CBLN2: variants seen among roughly 807,000 people sequenced by gnomAD.
CBLN2 encodes the protein cerebellin 2 precursor, also known as cerebellin-2.
A neutral mutation model predicts 15.0 loss-of-function variants in CBLN2; 7 were observed. The ratio of observed to expected loss-of-function variants is 0.47; its 90% CI spans 0.27 to 0.88. CBLN2 has a LOEUF of 0.88. Among genes scored for constraint, CBLN2 ranks in the 40% least tolerant of loss-of-function variants. The pLI is 0.14. For missense variants in CBLN2, 242 were observed against 304.5 expected, an observed-to-expected ratio of 0.79 and a Z score of 1.53; for synonymous variants, 149 against 135.2, an observed-to-expected ratio of 1.10 and a Z score of -0.71.
intron 1 of CBLN2, among the ~76,000 whole-genome samples, chr18:72,623,626 C>A (rs1187571926): frequency 6.6e-6 from 1 of 152,116 alleles, no homozygotes; most frequent in African/African-American, 2.4e-5. Context: ...ACGCTGCAGA[C>A]AACCACTGGC....
At chr18:72,618,984 C>T (rs565523333) in intron 1 of CBLN2, 25 of 761,732 alleles carry the variant, frequency 3.3e-5, no homozygotes, top group African/African-American at 1.4e-4. Context: ...ATGGTGGCAG[C>T]GGGGATGGTC....
intron 1 of CBLN2, among the ~76,000 whole-genome samples, chr18:72,621,505 T>C (rs1199761735): frequency 2.0e-5 from 3 of 152,226 alleles, no homozygotes; most frequent in Admixed American, 2.0e-4. Flanking sequence ...TCTAAAACCT[T>C]TTTGGATTGA....
At chr18:72,566,074 G>T (rs1368446976) in intron 1 of CBLN2, among the ~76,000 whole-genome samples, 1 of 152,032 alleles carries the variant, frequency 6.6e-6, no homozygotes, top group Admixed American at 6.6e-5. Context: ...AATGCTAAAA[G>T]TCACAAATCA....
chr18:72,613,504 TA>T (rs67899546), intron 1 of CBLN2, among the ~76,000 whole-genome samples: 80,507 of 151,952 alleles, frequency 0.53, 25,714 homozygotes, highest in Non-Finnish European at 0.72. Context: ...GTTGAAAGAT[TA>T]ACCTGCAATT....
chr18:72,636,946 G>C (rs1244356781), intron 1 of CBLN2, among the ~76,000 whole-genome samples: 1 of 147,448 alleles, frequency 6.8e-6, no homozygotes, highest in Non-Finnish European at 1.5e-5. Context: ...CAGTCATGCA[G>C]AAGCTCAATA....
At chr18:72,620,728 C>T (rs1276997687) in intron 1 of CBLN2, 1 of 152,172 alleles carries the variant, frequency 6.6e-6, no homozygotes, top group African/African-American at 2.4e-5. Context: ...CCTAGAATTT[C>T]TTGCCTCCTG....
intron 1 of CBLN2, among the ~76,000 whole-genome samples, chr18:72,579,934 A>C (rs2069392095): frequency 6.6e-6 from 1 of 152,058 alleles, no homozygotes; most frequent in South Asian, 2.1e-4. Flanking sequence ...GCATTAAGGA[A>C]ATGGAGAATT....
At position 72,541,948 on chromosome 18, in the gene CBLN2, G is replaced by C; in HGVS notation, c.213C>G (p.Ser71Arg). 6.2e-7 allele frequency: 1 copy of C among 1,607,624 alleles called. No homozygotes were observed. The highest frequency in any genetic ancestry group is 8.5e-7 in the Non-Finnish European group (1 of 1,179,548). ...EGKCLVVCDS[S>R]PSADGAVTSS... ...AGGTGACGGCGCCGTCCGCCGACGGGCTGGAGTCGCACACCACCAGGCACT... is the reference window on the plus strand; with the variant it reads ...AGGTGACGGCGCCGTCCGCCGACGGCCTGGAGTCGCACACCACCAGGCACT... Residue 71 changes from serine (S) to arginine (R), a missense_variant, in exon 3 of 5, where the codon AGC becomes AGG. By Grantham distance (110) the Ser-to-Arg change is moderately radical. Transcript: ENST00000269503.
At chr18:72,623,757 C>T (rs1439996157) in intron 1 of CBLN2, among the ~76,000 whole-genome samples, 2 of 152,120 alleles carry the variant, frequency 1.3e-5, no homozygotes, top group African/African-American at 4.8e-5. Context: ...TTACCAAGGG[C>T]ATCAGCATCC....
intron 1 of CBLN2, among the ~76,000 whole-genome samples, chr18:72,550,826 T>C: frequency 6.6e-6 from 1 of 152,276 alleles, no homozygotes; most frequent in African/African-American, 2.4e-5. Context: ...CTGCACAGAA[T>C]AGCTTTTAAA....
chr18:72,595,729 T>C (rs1040548294), intron 1 of CBLN2, among the ~76,000 whole-genome samples: 1 of 152,184 alleles, frequency 6.6e-6, no homozygotes, highest in Non-Finnish European at 1.5e-5. Flanking sequence ...ATATTTACAA[T>C]TGTAATATCC....
intron 1 of CBLN2, among the ~76,000 whole-genome samples, chr18:72,583,159 G>C (rs892229338): frequency 6.6e-6 from 1 of 152,178 alleles, no homozygotes; most frequent in African/African-American, 2.4e-5. Context: ...AAGACTCCCA[G>C]GTTGCCTGGC....
intron 1 of CBLN2, among the ~76,000 whole-genome samples, chr18:72,577,659 C>T (rs572295334): frequency 6.6e-6 from 1 of 152,324 alleles, no homozygotes; most frequent in Admixed American, 6.5e-5. Context: ...TGCAAAGTTT[C>T]CCAGGTACGC....
At chr18:72,637,130 CTT>C (rs763397471) in intron 1 of CBLN2, among the ~76,000 whole-genome samples, 1 of 151,186 alleles carries the variant, frequency 6.6e-6, no homozygotes, top group Non-Finnish European at 1.5e-5. Flanking sequence ...TTATTTTCCT[CTT>C]ATATGAATTT....
intron 1 of CBLN2, among the ~76,000 whole-genome samples, chr18:72,577,988 G>A (rs1472619466): frequency 6.6e-6 from 1 of 152,030 alleles, no homozygotes; most frequent in Non-Finnish European, 1.5e-5. Flanking sequence ...TCTGTAGTTG[G>A]CATACAGATT....
intron 1 of CBLN2, among the ~76,000 whole-genome samples, chr18:72,592,029 T>A (rs960120831): frequency 2.0e-5 from 3 of 152,138 alleles, no homozygotes; most frequent in Non-Finnish European, 4.4e-5. Flanking sequence ...AATTGGCAGC[T>A]ATGTTTTTAG....
At chr18:72,615,175 ATT>A (rs1491519099) in intron 1 of CBLN2, among the ~76,000 whole-genome samples, 4 of 133,280 alleles carry the variant, frequency 3.0e-5, no homozygotes, top group African/African-American at 5.5e-5. Context: ...ATAAATATAT[ATT>A]TATATATTAT....
At chr18:72,598,734 T>C (rs2144939589) in intron 1 of CBLN2, among the ~76,000 whole-genome samples, 1 of 152,310 alleles carries the variant, frequency 6.6e-6, no homozygotes, top group Non-Finnish European at 1.5e-5. Flanking sequence ...TTCTGACCAC[T>C]CAGATGGACG....
chr18:72,538,084 A>C lies in CBLN2; in HGVS notation c.*92T>G. On this transcript the variant is annotated 3_prime_UTR_variant, in exon 5 of 5. Coordinates refer to ENST00000269503, the MANE Select transcript of CBLN2 (RefSeq NM_182511.4). ...CAACAGTCTGACGGAGGTTGGAAAC[A>C]AGGTGTCCAATTCCAGTAAGTTCAG... 1 of 1,244,206 alleles carries C rather than the reference A, an allele frequency of 8.0e-7. No homozygotes were observed. Among genetic ancestry groups the C allele is most frequent in the South Asian group, 1.3e-5 (1 of 79,490 alleles). 77.1% of individuals were successfully genotyped at this position (1,244,206 alleles called of 1,614,324 possible). A position where few individuals can be genotyped will look rare whatever the true frequency, so the allele number is the denominator to read the frequency against.
Sources: gnomAD v4.1 joint callset for allele counts (sites outside exome capture counted in the v4.1 genomes callset) on GRCh38, gnomAD v4.1.1 for gene constraint, MANE v1.5 for transcripts, NCBI Gene and HGNC (gene_info 2026-07-23, HGNC 2026-07-21) for gene names.